POLA1: variants seen among roughly 807,000 people sequenced by gnomAD.
POLA1 encodes the protein DNA polymerase alpha catalytic subunit.
POLA1 carries 15 observed loss-of-function variants against 124.0 expected under a neutral mutation model. That is an observed-to-expected ratio of 0.12 (90% CI 0.08 to 0.19). The LOEUF (loss-of-function observed/expected upper bound fraction) is 0.19, where lower values mean the gene tolerates loss of function less well. POLA1 is among the 10% of genes least tolerant of loss of function. The pLI, the probability that POLA1 is intolerant of heterozygous loss-of-function variation, is 1.00. For synonymous variants in POLA1, 408 were observed against 389.4 expected (o/e 1.05, Z -0.56); for missense variants, 886 against 1,103.4 (o/e 0.80, Z 2.79).
intron 2 of POLA1, among the ~76,000 whole-genome samples, chrX:24,701,369 T>C (rs935788927): frequency 9.0e-6 from 1 of 111,136 alleles, no homozygotes; most frequent in Non-Finnish European, 1.9e-5. Context: ...CCAAGTTTTT[T>C]CCTAGGGTAT....
At chrX:24,891,805 T>TAA (rs774160548) in intron 35 of POLA1, among the ~76,000 whole-genome samples, 6 of 112,153 alleles carry the variant, frequency 5.3e-5, no homozygotes, top group East Asian at 2.8e-4. Context: ...TAAAATTCTA[T>TAA]AAAGTTGATA....
At chrX:24,919,067 G>C (rs776272230) in intron 35 of POLA1, among the ~76,000 whole-genome samples, 1 of 111,702 alleles carries the variant, frequency 9.0e-6, no homozygotes, top group South Asian at 3.8e-4. Context: ...TCTTGCCCAA[G>C]ACCACCCATT....
intron 32 of POLA1, among the ~76,000 whole-genome samples, chrX:24,828,781 G>A (rs756253116): frequency 3.5e-4 from 39 of 111,693 alleles, no homozygotes; most frequent in African/African-American, 1.2e-3. Flanking sequence ...GTCAGCAAAA[G>A]AGCTGAGCAA....
chrX:24,918,500 G>A (rs1233010712), intron 35 of POLA1, among the ~76,000 whole-genome samples: 1 of 111,571 alleles, frequency 9.0e-6, no homozygotes, highest in Non-Finnish European at 1.9e-5. Context: ...TATGTTTCAG[G>A]CACTGTTCTA....
intron 27 of POLA1, among the ~76,000 whole-genome samples, chrX:24,810,329 G>A (rs1292787869): frequency 1.8e-5 from 2 of 111,291 alleles, no homozygotes; most frequent in East Asian, 2.8e-4. Flanking sequence ...TTATGTTTCC[G>A]CTTCTTAAAT....
At chrX:24,823,277 C>CA (rs957816119) in intron 31 of POLA1, among the ~76,000 whole-genome samples, 5 of 112,250 alleles carry the variant, frequency 4.5e-5, no homozygotes, top group African/African-American at 1.6e-4. Flanking sequence ...ACCCATGGGA[C>CA]ATGCTCCCTT....
chrX:24,882,313 CTT>C (rs1214990957), intron 34 of POLA1, among the ~76,000 whole-genome samples: 3 of 111,821 alleles, frequency 2.7e-5, no homozygotes, highest in Non-Finnish European at 5.6e-5. Context: ...ATTCAGAAGA[CTT>C]TTAAAAATAT....
intron 36 of POLA1, among the ~76,000 whole-genome samples, chrX:24,973,416 G>T (rs903299665): frequency 9.2e-5 from 10 of 109,279 alleles, no homozygotes; most frequent in African/African-American, 3.4e-4. Flanking sequence ...AGAAAGAAAG[G>T]AAAAGAAAAA....
chrX:24,728,503 A>G (rs1930683869), intron 15 of POLA1, among the ~76,000 whole-genome samples: 1 of 112,235 alleles, frequency 8.9e-6, no homozygotes, highest in African/African-American at 3.2e-5. Flanking sequence ...GGATTCACAC[A>G]AGATTCGCAG....
At chrX:24,761,118 A>T (rs1932786931) in intron 26 of POLA1, among the ~76,000 whole-genome samples, 1 of 112,036 alleles carries the variant, frequency 8.9e-6, no homozygotes, top group Non-Finnish European at 1.9e-5. Context: ...GATTTCCAGA[A>T]ATGGTTTCTG....
At chrX:24,820,731 G>A (rs1473323998) in intron 30 of POLA1, among the ~76,000 whole-genome samples, 1 of 107,763 alleles carries the variant, frequency 9.3e-6, no homozygotes, top group Admixed American at 9.9e-5. Flanking sequence ...TTTTTTGGAG[G>A]GGAGGTGGAG....
chrX:24,863,958 C>T (rs1296651747), intron 34 of POLA1, among the ~76,000 whole-genome samples: 1 of 96,949 alleles, frequency 1.0e-5, no homozygotes, highest in Non-Finnish European at 2.0e-5. Flanking sequence ...TTTTCTGGAA[C>T]TATTTATTTA....
At chrX:24,694,172 G>A (rs1927808859) in intron 1 of POLA1, among the ~76,000 whole-genome samples, 168 bp downstream of exon 1, 3 of 112,925 alleles carry the variant, frequency 2.7e-5, no homozygotes, top group Non-Finnish European at 5.6e-5. Flanking sequence ...GGCGCGGTTT[G>A]CTCTTGGAGG....
chrX:24,742,602 A>G (rs1931738911), intron 22 of POLA1, among the ~76,000 whole-genome samples: 1 of 112,344 alleles, frequency 8.9e-6, no homozygotes, highest in South Asian at 3.7e-4. Context: ...CACTGATATT[A>G]ATTAATTCAG....
intron 4 of POLA1, among the ~76,000 whole-genome samples, chrX:24,712,335 C>T (rs1324987972): frequency 1.8e-5 from 2 of 111,393 alleles, no homozygotes; most frequent in Non-Finnish European, 3.8e-5. Flanking sequence ...CCGCCCGCCT[C>T]GTGGCCTCCC....
intron 26 of POLA1, among the ~76,000 whole-genome samples, chrX:24,798,772 T>C (rs981587298): frequency 5.4e-5 from 6 of 111,277 alleles, no homozygotes; most frequent in African/African-American, 2.0e-4. Context: ...GCCCCTAACC[T>C]CCGCATCGTT....
intron 35 of POLA1, among the ~76,000 whole-genome samples, chrX:24,911,603 A>G (rs2047449897): frequency 9.0e-6 from 1 of 110,895 alleles, no homozygotes. Flanking sequence ...AATGGTAAAG[A>G]TGAGACCAGA....
intron 36 of POLA1, among the ~76,000 whole-genome samples, chrX:24,988,248 CCTAT>C (rs2048499222): frequency 8.9e-6 from 1 of 112,601 alleles, no homozygotes; most frequent in Non-Finnish European, 1.9e-5. Context: ...GTATTTACTG[CCTAT>C]CTGTTGTCAT....
intron 4 of POLA1, among the ~76,000 whole-genome samples, chrX:24,706,697 A>T (rs966469401): frequency 8.9e-6 from 1 of 111,924 alleles, no homozygotes; most frequent in African/African-American, 3.2e-5. Context: ...TCTAAGTAAA[A>T]TTTATGATTT....
Sources: allele counts gnomAD v4.1 joint callset (sites outside exome capture counted in the v4.1 genomes callset), GRCh38; gene constraint gnomAD v4.1.1; transcripts MANE v1.5; gene names NCBI Gene and HGNC (gene_info 2026-07-23, HGNC 2026-07-21).